Variants in C12orf56 observed in about 807,000 individuals in gnomAD.
C12orf56 encodes the protein chromosome 12 open reading frame 56, also known as uncharacterized protein C12orf56.
Under a neutral mutation model 69.9 loss-of-function variants are expected in C12orf56, and 71 were observed. That is an observed-to-expected ratio of 1.02 (90% CI 0.84 to 1.24). The LOEUF (loss-of-function observed/expected upper bound fraction) is 1.24, where lower values mean the gene tolerates loss of function less well. Among genes scored for constraint, C12orf56 ranks in the 50% most tolerant of loss-of-function variants. The pLI, the probability that C12orf56 is intolerant of heterozygous loss-of-function variation, is 0.00. For missense variants in C12orf56, 732 were observed against 738.5 expected, an observed-to-expected ratio of 0.99 and a Z score of 0.10; for synonymous variants, 276 against 274.1, an observed-to-expected ratio of 1.01 and a Z score of -0.07.
At chr12:64,308,974 A>AGAAAGAAAGAAAGAAAG (rs1405198001) in intron 5 of C12orf56, among the ~76,000 whole-genome samples, 1 of 123,612 alleles carries the variant, frequency 8.1e-6, no homozygotes, top group African/African-American at 3.1e-5. Context: ...AAAGAAAGAA[A>AGAAAGAAAGAAAGAAAG]AGAAAGAAAG....
intron 11 of C12orf56, among the ~76,000 whole-genome samples, chr12:64,271,442 C>T (rs745771554): frequency 4.6e-5 from 7 of 152,106 alleles, no homozygotes; most frequent in Non-Finnish European, 1.0e-4. Flanking sequence ...CCAGCCTGGG[C>T]GAGTGCAAGT....
chr12:64,313,939 A>T (rs1355905774), intron 4 of C12orf56, among the ~76,000 whole-genome samples: 1 of 148,604 alleles, frequency 6.7e-6, no homozygotes, highest in Non-Finnish European at 1.5e-5. Context: ...GCTACTCGGG[A>T]GGCTGAGGCA....
intron 9 of C12orf56, among the ~76,000 whole-genome samples, chr12:64,276,485 C>T (rs1416891614): frequency 2.0e-5 from 3 of 152,156 alleles, no homozygotes; most frequent in African/African-American, 2.4e-5. Flanking sequence ...GTCTTGGTTC[C>T]ACCCCACTCT....
chr12:64,303,124 A>G (rs1337588403), intron 6 of C12orf56, among the ~76,000 whole-genome samples: 2 of 151,948 alleles, frequency 1.3e-5, no homozygotes, highest in Non-Finnish European at 2.9e-5. Flanking sequence ...AACACAAAAA[A>G]TTAGCTGGGC....
chr12:64,369,006 A>T (rs938322157), intron 1 of C12orf56, among the ~76,000 whole-genome samples: 3 of 152,158 alleles, frequency 2.0e-5, no homozygotes, highest in Non-Finnish European at 4.4e-5. Flanking sequence ...TTGAATGCAA[A>T]TCAAGAAATC....
intron 6 of C12orf56, among the ~76,000 whole-genome samples, chr12:64,298,202 A>G (rs559138352): frequency 3.3e-5 from 5 of 152,204 alleles, no homozygotes; most frequent in Admixed American, 2.6e-4. Flanking sequence ...GTGTCTGTTC[A>G]TATCCTTTGC....
chr12:64,323,746 A>G (rs6581536), intron 3 of C12orf56, among the ~76,000 whole-genome samples: 40,609 of 151,994 alleles, frequency 0.27, 5,823 homozygotes, highest in Middle Eastern at 0.36. Flanking sequence ...CCTGGGCTCA[A>G]ACAATCTACC....
chr12:64,381,044 G>T (rs1185084883), intron 1 of C12orf56, among the ~76,000 whole-genome samples: 3 of 152,160 alleles, frequency 2.0e-5, no homozygotes, highest in Non-Finnish European at 4.4e-5. Flanking sequence ...TTCATGCAGG[G>T]CCAGCTGTAT....
intron 1 of C12orf56, among the ~76,000 whole-genome samples, chr12:64,384,004 TAAC>T (rs912474417): frequency 6.6e-6 from 1 of 152,246 alleles, no homozygotes; most frequent in African/African-American, 2.4e-5. Flanking sequence ...TGCAAAGTAA[TAAC>T]AACTAGCATT....
chr12:64,363,398 G>A (rs751572513), intron 1 of C12orf56, among the ~76,000 whole-genome samples: 6 of 152,210 alleles, frequency 3.9e-5, no homozygotes, highest in Non-Finnish European at 5.9e-5. Flanking sequence ...GGGTTGGGTT[G>A]TTTAAACACT....
intron 8 of C12orf56, among the ~76,000 whole-genome samples, chr12:64,278,637 G>C (rs1186042912): frequency 6.6e-6 from 1 of 152,086 alleles, no homozygotes; most frequent in African/African-American, 2.4e-5. Context: ...CAATTTTCAA[G>C]TATACAGGAC....
chr12:64,368,790 G>C (rs983757046), intron 1 of C12orf56, among the ~76,000 whole-genome samples: 2 of 152,290 alleles, frequency 1.3e-5, no homozygotes, highest in Admixed American at 6.5e-5. Context: ...GATTTCTAGT[G>C]TGGCCTCCAC....
rs1322769917 is a variant in C12orf56 at position 64,266,415 on chromosome 12, C to T, written c.*768G>A. 8.1e-6 allele frequency: 2 copies of T among 247,860 alleles called. No homozygotes were observed. Among genetic ancestry groups the T allele is most frequent in the Non-Finnish European group, 1.7e-5 (2 of 115,530 alleles). The allele number at this position is 247,860 out of a possible 1,614,324, so 15.4% of individuals were successfully genotyped here. A position where few individuals can be genotyped will look rare whatever the true frequency, so the allele number is the denominator to read the frequency against. ...GTAGCAGATTTTAAAACTCTGGCCT[C>T]CGGCCTTGGTGGTTTCTGGTGCAGG... On this transcript the variant is annotated 3_prime_UTR_variant, in exon 13 of 13. Coordinates refer to ENST00000543942, the MANE Select transcript of C12orf56 (RefSeq NM_001170633.2).
chr12:64,354,816 C>T (rs540802058), intron 1 of C12orf56, among the ~76,000 whole-genome samples: 17 of 147,810 alleles, frequency 1.2e-4, no homozygotes, highest in African/African-American at 2.7e-4. Flanking sequence ...CGGTGGCTCA[C>T]GCCTGTAATC....
In C12orf56 at chr12:64,274,928, C is replaced by T. The variant is rs773660883; in HGVS notation, c.1557G>A (p.Met519Ile). The T allele has an allele frequency of 1.9e-6, 3 of 1,612,576 alleles. No homozygotes were observed. Among genetic ancestry groups the T allele is most frequent in the East Asian group, 2.2e-5 (1 of 44,750 alleles). The change falls in exon 11 of 13, where the codon ATG becomes ATA. Residue 519 changes from methionine to isoleucine, a missense_variant. Physicochemically the swap from Met to Ile is conservative, Grantham distance 10 (BLOSUM62 1). Transcript: ENST00000543942. ...TGGGAGGACAGCTTTGTAGAAAGGA[C>T]ATTATCCAGCTAATAGCAAACTTTG... is the stretch of plus-strand genomic sequence containing the variant. The part of the protein sequence containing the change: ...GSTKFAISWI[M>I]SFLQSCPPII...
intron 2 of C12orf56, among the ~76,000 whole-genome samples, chr12:64,349,388 C>G (rs896057755): frequency 2.6e-5 from 4 of 152,112 alleles, no homozygotes; most frequent in Non-Finnish European, 5.9e-5. Context: ...ATGCAGTGAT[C>G]AGGGAACACT....
rs183535956 is a variant in C12orf56 at position 64,315,183 on chromosome 12, C to T, written c.895-2431G>A. 3.9e-5 allele frequency among the ~76,000 whole-genome samples: 6 copies of T among 151,976 alleles called. No individual in the cohort carries two copies. The East Asian group carries it at 1.2e-3, about 30-fold the overall frequency. Reference sequence around the variant, plus strand: ...TCCAGGCTGGTCTCAAACTCCTGACCTCAGGTGATCCAACTGCCTCAGCCA... The same window carrying T: ...TCCAGGCTGGTCTCAAACTCCTGACTTCAGGTGATCCAACTGCCTCAGCCA... On this transcript the variant is annotated intron_variant, in intron 4 of 12. Coordinates refer to ENST00000543942, the MANE Select transcript of C12orf56 (RefSeq NM_001170633.2).
At chr12:64,312,454 C>T (rs1405151308) in intron 5 of C12orf56, among the ~76,000 whole-genome samples, 1 of 152,086 alleles carries the variant, frequency 6.6e-6, no homozygotes, top group African/African-American at 2.4e-5. Context: ...CTAAAAAATA[C>T]AAAAATTAGC....
At chr12:64,269,447 G>C (rs1174980893) in intron 12 of C12orf56, among the ~76,000 whole-genome samples, 12 of 152,152 alleles carry the variant, frequency 7.9e-5, no homozygotes. Flanking sequence ...TTACTGTTCT[G>C]TTACTGAGAG....
Sources: allele counts gnomAD v4.1 joint callset (sites outside exome capture counted in the v4.1 genomes callset), GRCh38; gene constraint gnomAD v4.1.1; transcripts MANE v1.5; gene names NCBI Gene and HGNC (gene_info 2026-07-23, HGNC 2026-07-21).